Variants in NARS2 observed in about 807,000 individuals in gnomAD.
NARS2 encodes asparaginyl-tRNA synthetase.
In NARS2, 60 loss-of-function variants were observed where a neutral mutation model predicts 62.9. The ratio of observed to expected loss-of-function variants is 0.95; its 90% confidence interval spans 0.77 to 1.18. The LOEUF is 1.18. Ranked by LOEUF, NARS2 falls within the 50% of genes most tolerant of loss-of-function variation. The pLI is 0.00. For synonymous variants in NARS2, 196 were observed against 200.0 expected (o/e 0.98, Z 0.17); for missense variants, 619 against 576.4 (o/e 1.07, Z -0.76).
intron 5 of NARS2, among the ~76,000 whole-genome samples, chr11:78,548,979 T>A (rs1404665975): frequency 5.3e-5 from 8 of 152,122 alleles, no homozygotes; most frequent in African/African-American, 1.9e-4. Flanking sequence ...ACAGAAACTC[T>A]ACCCCCCAAT....
intron 2 of NARS2, among the ~76,000 whole-genome samples, chr11:78,570,090 T>C (rs1856868917): frequency 1.3e-5 from 2 of 152,096 alleles, no homozygotes; most frequent in African/African-American, 4.8e-5. Context: ...CTTGGGAGAC[T>C]GAGGCACGAG....
intron 4 of NARS2, among the ~76,000 whole-genome samples, chr11:78,561,556 T>C (rs1199119648): frequency 7.2e-5 from 11 of 152,344 alleles, no homozygotes; most frequent in Middle Eastern, 6.8e-3. Flanking sequence ...AGATATTTTA[T>C]AAGGCTCTGA....
In NARS2 at chr11:78,469,183, G is replaced by A. The variant is rs1858760072; in HGVS notation, c.1026+64C>T. The A allele has an allele frequency of 1.0e-5, 11 of 1,095,014 alleles. 1 individual carries two copies. The South Asian group carries it at 1.2e-4, about 12-fold the overall frequency. 67.8% of individuals were successfully genotyped at this position (1,095,014 alleles called of 1,614,324 possible). A position where few individuals can be genotyped will look rare whatever the true frequency, so the allele number is the denominator to read the frequency against. On this transcript the variant is annotated intron_variant, in intron 10 of 13. Transcript: ENST00000281038. The stretch of plus-strand genomic sequence containing the variant: ...ATGATTTTGAAAGATTCTTAACACA[G>A]TAAGCTAAAGACAAGAAGGAAGCAT...
At chr11:78,479,816 T>C (rs1859270341) in intron 7 of NARS2, among the ~76,000 whole-genome samples, 1 of 152,220 alleles carries the variant, frequency 6.6e-6, no homozygotes, top group African/African-American at 2.4e-5. Context: ...TCTATTGAAG[T>C]ACATTAATAT....
intron 4 of NARS2, among the ~76,000 whole-genome samples, chr11:78,563,076 C>CA (rs1430745426): frequency 2.0e-5 from 3 of 152,096 alleles, no homozygotes; most frequent in Non-Finnish European, 4.4e-5. Context: ...AACTATCACA[C>CA]ATAAAGGTAG....
At chr11:78,475,974 A>C (rs533785208) in intron 9 of NARS2, among the ~76,000 whole-genome samples, 128 of 152,094 alleles carry the variant, frequency 8.4e-4, no homozygotes, top group Non-Finnish European at 1.5e-3. Flanking sequence ...CATTTTATTG[A>C]TTAGTGATGT....
At chr11:78,490,846 A>G (rs779496369) in intron 7 of NARS2, among the ~76,000 whole-genome samples, 1 of 152,244 alleles carries the variant, frequency 6.6e-6, no homozygotes, top group African/African-American at 2.4e-5. Context: ...GCTCCGGTTT[A>G]GAGCAGAATA....
chr11:78,528,664 T>C (rs1037802980), intron 6 of NARS2, among the ~76,000 whole-genome samples, 178 bp downstream of exon 6: 1 of 152,206 alleles, frequency 6.6e-6, no homozygotes, highest in Non-Finnish European at 1.5e-5. Context: ...TTTTCAGTGT[T>C]ACATTTTTCA....
intron 6 of NARS2, among the ~76,000 whole-genome samples, chr11:78,506,005 T>C (rs1424002362): frequency 2.6e-5 from 4 of 151,788 alleles, no homozygotes; most frequent in Non-Finnish European, 2.9e-5. Flanking sequence ...TACAACCCAA[T>C]AATAAAACAA....
chr11:78,485,399 A>G (rs1223450652), intron 7 of NARS2, among the ~76,000 whole-genome samples: 1 of 152,040 alleles, frequency 6.6e-6, no homozygotes, highest in Non-Finnish European at 1.5e-5. Context: ...ACTTAAAGTA[A>G]AAAAAAACAA....
chr11:78,460,177 C>A (rs1858338668), intron 11 of NARS2, among the ~76,000 whole-genome samples: 2 of 151,908 alleles, frequency 1.3e-5, no homozygotes, highest in Admixed American at 1.3e-4. Context: ...TTCTACTAGG[C>A]ATTGTAGGCG....
chr11:78,524,460 T>C (rs1211543807), intron 6 of NARS2, among the ~76,000 whole-genome samples: 2 of 152,116 alleles, frequency 1.3e-5, no homozygotes, highest in Non-Finnish European at 2.9e-5. Flanking sequence ...AGCATTAAAA[T>C]GCCCAAGAAG....
chr11:78,525,324 TA>T (rs1463497437), intron 6 of NARS2, among the ~76,000 whole-genome samples: 3 of 151,486 alleles, frequency 2.0e-5, no homozygotes, highest in East Asian at 1.9e-4. Context: ...TTACTGACTA[TA>T]AAAAAAATAA....
At chr11:78,452,119 A>G (rs143455481) in intron 11 of NARS2, among the ~76,000 whole-genome samples, 2,035 of 148,530 alleles carry the variant, frequency 0.014, 16 homozygotes, top group Non-Finnish European at 0.022. Flanking sequence ...TTTTTTTTTA[A>G]ATTTTTTTGA....
intron 5 of NARS2, among the ~76,000 whole-genome samples, chr11:78,557,781 T>C (rs900653739): frequency 1.3e-5 from 2 of 148,570 alleles, no homozygotes; most frequent in Non-Finnish European, 3.0e-5. Flanking sequence ...TCAAGATATA[T>C]ATATAAAATA....
chr11:78,494,704 T>C (rs745796587), intron 6 of NARS2, among the ~76,000 whole-genome samples: 24 of 152,182 alleles, frequency 1.6e-4, no homozygotes, highest in Admixed American at 3.9e-4. Flanking sequence ...AATATTACTA[T>C]GGTTGCCTTT....
rs199984779 is a variant in NARS2, at chr11:78,493,157, C to A, written c.728G>T (p.Arg243Leu). ...CCTCCGGCTCTGAGAATTTTCAGCT[C>A]GGAAGGTCGGACCAAAGGTAAACAC... ...TQVFTFGPTF[R>L]AENSQSRRHL... The change falls in exon 7 of 14, where the codon CGA becomes CTA. Residue 243 changes from arginine (R) to leucine (L), a missense_variant. Coordinates refer to ENST00000281038, the MANE Select transcript of NARS2 (RefSeq NM_024678.6). The A allele has an allele frequency of 1.2e-6, 2 of 1,613,736 alleles. No individual in the cohort carries two copies. Among genetic ancestry groups the A allele is most frequent in the Admixed American group, 1.7e-5 (1 of 59,958 alleles).
At chr11:78,521,602 A>T (rs1861125634) in intron 6 of NARS2, among the ~76,000 whole-genome samples, 1 of 152,106 alleles carries the variant, frequency 6.6e-6, no homozygotes, top group African/African-American at 2.4e-5. Context: ...CATCCCGGCT[A>T]AAATGGTGAA....
chr11:78,477,176 G>A (rs1212768812), intron 9 of NARS2, among the ~76,000 whole-genome samples: 1 of 152,138 alleles, frequency 6.6e-6, no homozygotes, highest in Non-Finnish European at 1.5e-5. Flanking sequence ...GATTCCTTGA[G>A]AAGGCCAAAT....
Sources: allele counts gnomAD v4.1 joint callset (sites outside exome capture counted in the v4.1 genomes callset), GRCh38; gene constraint gnomAD v4.1.1; transcripts MANE v1.5; gene names NCBI Gene and HGNC (gene_info 2026-07-23, HGNC 2026-07-21).